FGGY: variants seen among roughly 807,000 people sequenced by gnomAD.
FGGY encodes the protein FGGY carbohydrate kinase domain containing, also known as FGGY carbohydrate kinase domain-containing protein.
In FGGY, 72 loss-of-function variants were observed where a neutral mutation model predicts 71.3. The ratio of observed to expected loss-of-function variants is 1.01; its 90% CI spans 0.84 to 1.23. The LOEUF (loss-of-function observed/expected upper bound fraction) is 1.23. Ranked by LOEUF, FGGY falls within the 50% of genes most tolerant of loss-of-function variation. The pLI is 0.00. For synonymous variants in FGGY, 251 were observed against 250.3 expected (o/e 1.00, Z -0.02); for missense variants, 668 against 682.3 (o/e 0.98, Z 0.23).
chr1:59,468,942 G>A (rs2092794458), intron 6 of FGGY, among the ~76,000 whole-genome samples: 1 of 150,902 alleles, frequency 6.6e-6, no homozygotes, highest in South Asian at 2.1e-4. Context: ...GGACATAAAT[G>A]TGCCAGTGAA....
chr1:59,490,834 A>G (rs1456577448), intron 6 of FGGY, among the ~76,000 whole-genome samples: 3 of 152,018 alleles, frequency 2.0e-5, no homozygotes, highest in African/African-American at 7.3e-5. Flanking sequence ...AGTTGGCTGT[A>G]GATAGGTGGA....
At chr1:59,668,991 C>CA (rs33999903) in intron 13 of FGGY, among the ~76,000 whole-genome samples, 1,762 of 36,418 alleles carry the variant, frequency 0.048, 55 homozygotes, top group South Asian at 0.093. Flanking sequence ...AACTCCATCT[C>CA]AAAAAAAAAA....
intron 5 of FGGY, among the ~76,000 whole-genome samples, chr1:59,421,500 C>CCCCTCTCT (rs1352771681): frequency 1.7e-5 from 2 of 120,642 alleles, no homozygotes; most frequent in Non-Finnish European, 3.7e-5. Flanking sequence ...TCTCCCTCTC[C>CCCCTCTCT]CCCTCTCTCC....
chr1:59,510,507 G>C (rs933698661), intron 6 of FGGY, among the ~76,000 whole-genome samples: 2 of 152,066 alleles, frequency 1.3e-5, no homozygotes, highest in Admixed American at 6.5e-5. Context: ...CTGCTACTTT[G>C]GCATTTGAAA....
intron 3 of FGGY, among the ~76,000 whole-genome samples, chr1:59,342,798 A>G (rs1287389407): frequency 6.6e-6 from 1 of 152,230 alleles, no homozygotes; most frequent in Non-Finnish European, 1.5e-5. Context: ...CAAACCCATA[A>G]GACCAGCAAA....
chr1:59,530,853 T>C (rs559809324), intron 7 of FGGY, among the ~76,000 whole-genome samples: 12 of 152,238 alleles, frequency 7.9e-5, no homozygotes, highest in African/African-American at 2.4e-4. Context: ...TTAAAAGAGA[T>C]TGGAATTTTT....
intron 1 of FGGY, among the ~76,000 whole-genome samples, chr1:59,303,275 C>G (rs2043032442): frequency 6.6e-6 from 1 of 152,178 alleles, no homozygotes. Flanking sequence ...CCCATTTCCT[C>G]AATCCCTGGT....
intron 14 of FGGY, among the ~76,000 whole-genome samples, chr1:59,747,733 A>G (rs2098212249): frequency 6.6e-6 from 1 of 152,242 alleles, no homozygotes; most frequent in Non-Finnish European, 1.5e-5. Context: ...TACATCAGTG[A>G]ATCCACCTTC....
At chr1:59,353,114 A>G (rs1422523560) in intron 4 of FGGY, among the ~76,000 whole-genome samples, 1 of 152,170 alleles carries the variant, frequency 6.6e-6, no homozygotes, top group Non-Finnish European at 1.5e-5. Context: ...ACCACTTACC[A>G]ATTGTGGGAT....
At chr1:59,412,553 C>T (rs151221105) in intron 5 of FGGY, among the ~76,000 whole-genome samples, 186 of 152,236 alleles carry the variant, frequency 1.2e-3, no homozygotes, top group African/African-American at 4.3e-3. Context: ...TCTGCTGTCT[C>T]GGGGACCCAG....
At chr1:59,345,379 G>T (rs556165795) in intron 3 of FGGY, among the ~76,000 whole-genome samples, 6 of 152,112 alleles carry the variant, frequency 3.9e-5, no homozygotes, top group Admixed American at 2.0e-4. Context: ...AGGATTTCTG[G>T]CTTGCCCATT....
intron 8 of FGGY, among the ~76,000 whole-genome samples, chr1:59,565,920 T>C (rs2095866322): frequency 6.6e-6 from 1 of 152,200 alleles, no homozygotes; most frequent in Non-Finnish European, 1.5e-5. Context: ...AGAGAGTATT[T>C]ATGAGACTCC....
chr1:59,664,936 T>A (rs1440196101), intron 12 of FGGY, among the ~76,000 whole-genome samples: 1 of 144,980 alleles, frequency 6.9e-6, no homozygotes, highest in African/African-American at 2.6e-5. Context: ...ATTATTCCCA[T>A]GGCAAAAAAA....
At chr1:59,530,709 T>A (rs1228026480) in intron 7 of FGGY, among the ~76,000 whole-genome samples, 1 of 152,142 alleles carries the variant, frequency 6.6e-6, no homozygotes, top group Non-Finnish European at 1.5e-5. Context: ...GGAGGTAGTA[T>A]GCACCAAGAT....
intron 5 of FGGY, among the ~76,000 whole-genome samples, chr1:59,403,377 G>A (rs74087440): frequency 0.034 from 5,195 of 152,194 alleles, 268 homozygotes; most frequent in African/African-American, 0.12. Context: ...GTCCGGCTGT[G>A]TGCCCTGCCT....
chr1:59,657,654 C>T (rs1001629866), intron 11 of FGGY, among the ~76,000 whole-genome samples: 3 of 152,216 alleles, frequency 2.0e-5, no homozygotes, highest in African/African-American at 7.2e-5. Flanking sequence ...AAGTGTTCCA[C>T]TCAGGGGGCT....
chr1:59,322,299 T>C (rs1460610941), intron 2 of FGGY, among the ~76,000 whole-genome samples: 1 of 150,706 alleles, frequency 6.6e-6, no homozygotes, highest in African/African-American at 2.5e-5. Context: ...TTTTTTTTAA[T>C]TAAAAAAAGT....
At chr1:59,629,242 A>G (rs1403894527) in intron 10 of FGGY, among the ~76,000 whole-genome samples, 1 of 152,134 alleles carries the variant, frequency 6.6e-6, no homozygotes, top group Admixed American at 6.5e-5. Flanking sequence ...AAATAAATAA[A>G]TGATTGTTGT....
At chr1:59,522,558 G>GGGGTT in intron 7 of FGGY, among the ~76,000 whole-genome samples, 1 of 152,228 alleles carries the variant, frequency 6.6e-6, no homozygotes, top group South Asian at 2.1e-4. Context: ...GGGGTTGTGT[G>GGGGTT]GTGGAGAGAT....
Sources: gnomAD v4.1 joint callset for allele counts (sites outside exome capture counted in the v4.1 genomes callset) on GRCh38, gnomAD v4.1.1 for gene constraint, MANE v1.5 for transcripts, NCBI Gene and HGNC (gene_info 2026-07-23, HGNC 2026-07-21) for gene names.